Variants in SPECC1 observed in about 807,000 individuals in gnomAD.
The protein encoded by SPECC1 is cytospin-B.
SPECC1 carries 62 observed loss-of-function variants against 104.1 expected under a neutral mutation model. The ratio of observed to expected loss-of-function variants is 0.60; its 90% confidence interval spans 0.49 to 0.74. The LOEUF is 0.74. Ranked by LOEUF, SPECC1 falls within the 30% of genes least tolerant of loss-of-function variation. The pLI, the probability that SPECC1 is intolerant of heterozygous loss-of-function variation, is 0.00. For synonymous variants in SPECC1, 513 were observed against 501.6 expected, an observed-to-expected ratio of 1.02 and a Z score of -0.30; for missense variants, 1,306 against 1,310.5, an observed-to-expected ratio of 1.00 and a Z score of 0.05.
intron 2 of SPECC1, among the ~76,000 whole-genome samples, chr17:20,103,620 GT>G (rs1368845473): frequency 1.3e-5 from 2 of 152,146 alleles, no homozygotes; most frequent in African/African-American, 4.8e-5. Flanking sequence ...GGAGGGAGGG[GT>G]TTGGAGCTGT....
At chr17:20,305,052 G>C (rs1363186638) in intron 13 of SPECC1, among the ~76,000 whole-genome samples, 1 of 152,064 alleles carries the variant, frequency 6.6e-6, no homozygotes, top group Non-Finnish European at 1.5e-5. Flanking sequence ...GGGTGATTTT[G>C]GGCGACTGGT....
At chr17:20,264,053 G>C (rs1395552473) in intron 12 of SPECC1, among the ~76,000 whole-genome samples, 1 of 152,114 alleles carries the variant, frequency 6.6e-6, no homozygotes, top group Non-Finnish European at 1.5e-5. Flanking sequence ...CACAAAATAT[G>C]TCTAGACCTG....
intron 1 of SPECC1, among the ~76,000 whole-genome samples, chr17:20,065,852 C>T (rs1555600397): frequency 6.6e-6 from 1 of 151,574 alleles, no homozygotes; most frequent in Non-Finnish European, 1.5e-5. Flanking sequence ...AGGAGAAGTT[C>T]AGAGAGAGAG....
intron 1 of SPECC1, among the ~76,000 whole-genome samples, chr17:20,015,863 C>T (rs1597564111): frequency 2.7e-5 from 4 of 146,280 alleles, no homozygotes; most frequent in South Asian, 2.3e-4. Flanking sequence ...GGGTTACAGG[C>T]GTGAGCCACC....
At chr17:20,015,634 G>A (rs1358734759) in intron 1 of SPECC1, among the ~76,000 whole-genome samples, 5 of 133,114 alleles carry the variant, frequency 3.8e-5, no homozygotes, top group Non-Finnish European at 4.7e-5. Flanking sequence ...GCCCAGGCTG[G>A]AAGGCAATGG....
At chr17:20,198,273 G>A (rs1047928917) in intron 3 of SPECC1, among the ~76,000 whole-genome samples, 8 of 152,188 alleles carry the variant, frequency 5.3e-5, no homozygotes. Context: ...TCTGGGCAAG[G>A]TGGTTGCCCT....
intron 3 of SPECC1, among the ~76,000 whole-genome samples, chr17:20,175,138 G>A (rs558397299): frequency 6.6e-6 from 1 of 152,214 alleles, no homozygotes; most frequent in African/African-American, 2.4e-5. Context: ...CTGGGGTAAT[G>A]CTGTGGGCCC....
chr17:20,037,263 C>T (rs2045126177), intron 1 of SPECC1, among the ~76,000 whole-genome samples: 1 of 151,840 alleles, frequency 6.6e-6, no homozygotes, highest in Non-Finnish European at 1.5e-5. Flanking sequence ...TATTGGTCTG[C>T]AGTTTATTTT....
At chr17:20,017,130 GC>G (rs1176371776) in intron 1 of SPECC1, 1 of 152,274 alleles carries the variant, frequency 6.6e-6, no homozygotes, top group East Asian at 1.9e-4. Context: ...AAAGCAGGCT[GC>G]CCGAGCCAAG....
intron 11 of SPECC1, 130 bp downstream of exon 11, chr17:20,257,737 G>A: frequency 8.1e-7 from 1 of 1,229,114 alleles, no homozygotes; most frequent in Non-Finnish European, 1.1e-6. Context: ...CTAAGACACT[G>A]TGCCTGCCCT....
Position 20,170,331 on chromosome 17 carries a change from C to T in SPECC1, c.284-34002C>T, listed in dbSNP as rs1271967304. On this transcript the variant is annotated intron_variant, in intron 3 of 14. Coordinates refer to ENST00000395527, the MANE Select transcript of SPECC1 (RefSeq NM_001243439.2). Reference sequence around the variant, plus strand: ...TTGATGGCAGCTGTCCCTTGTATTTCCAGGAAAGTTTTGAATTCTCAGGAG... The same window carrying T: ...TTGATGGCAGCTGTCCCTTGTATTTTCAGGAAAGTTTTGAATTCTCAGGAG... 2.6e-5 allele frequency among the ~76,000 whole-genome samples: 4 copies of T among 152,150 alleles called. No individual in the cohort carries two copies. In the South Asian group the frequency reaches 8.3e-4, roughly 32 times the overall value.
intron 4 of SPECC1, among the ~76,000 whole-genome samples, chr17:20,217,278 T>G (rs2037557673): frequency 7.0e-6 from 1 of 142,682 alleles, no homozygotes; most frequent in South Asian, 2.4e-4. Context: ...TGTGTGTGTG[T>G]GTGTTTTTTT....
At chr17:20,097,342 G>T (rs2047700490) in intron 2 of SPECC1, among the ~76,000 whole-genome samples, 1 of 152,198 alleles carries the variant, frequency 6.6e-6, no homozygotes, top group Admixed American at 6.5e-5. Flanking sequence ...CTCTCACCGT[G>T]CAAAGCCTAG....
chr17:20,184,683 G>T (rs1438711421), intron 3 of SPECC1, among the ~76,000 whole-genome samples: 2 of 152,300 alleles, frequency 1.3e-5, no homozygotes, highest in African/African-American at 2.4e-5. Flanking sequence ...GTCAGTATAT[G>T]TAAAGTATTT....
chr17:20,057,191 C>G (rs1396001473), intron 1 of SPECC1, among the ~76,000 whole-genome samples: 7 of 152,140 alleles, frequency 4.6e-5, no homozygotes, highest in Non-Finnish European at 1.0e-4. Context: ...CCTGTAATCC[C>G]AGCACTTTGG....
At chr17:20,249,815 G>A (rs2039555918) in intron 9 of SPECC1, among the ~76,000 whole-genome samples, 1 of 152,078 alleles carries the variant, frequency 6.6e-6, no homozygotes, top group Admixed American at 6.6e-5. Flanking sequence ...AGAAACATAT[G>A]GGATGGAATA....
At chr17:20,089,591 A>G (rs1200626803) in intron 1 of SPECC1, among the ~76,000 whole-genome samples, 1 of 152,140 alleles carries the variant, frequency 6.6e-6, no homozygotes, top group Non-Finnish European at 1.5e-5. Context: ...ATGCCACAGC[A>G]CTCCAGCTTG....
At chr17:20,125,790 T>C (rs2049273455) in intron 3 of SPECC1, among the ~76,000 whole-genome samples, 1 of 152,220 alleles carries the variant, frequency 6.6e-6, no homozygotes, top group South Asian at 2.1e-4. Flanking sequence ...CAGACTGGCT[T>C]TCAGCTTCTG....
At chr17:20,165,096 A>G (rs1035978431) in intron 3 of SPECC1, among the ~76,000 whole-genome samples, 2 of 152,174 alleles carry the variant, frequency 1.3e-5, no homozygotes, top group African/African-American at 2.4e-5. Flanking sequence ...GGTTTGTTAC[A>G]TAAGTAAACG....
Sources: allele counts gnomAD v4.1 joint callset (sites outside exome capture counted in the v4.1 genomes callset), GRCh38; gene constraint gnomAD v4.1.1; transcripts MANE v1.5; gene names NCBI Gene and HGNC (gene_info 2026-07-23, HGNC 2026-07-21).